Variants in PRMT9 observed in about 807,000 individuals in gnomAD.
PRMT9 encodes the protein protein arginine N-methyltransferase 9.
In PRMT9, 59 loss-of-function variants were observed where a neutral mutation model predicts 83.2. The observed-to-expected ratio is 0.71, with a 90% CI of 0.57 to 0.88. PRMT9 has a LOEUF of 0.88. PRMT9 is among the 40% of genes least tolerant of loss of function. The probability of loss-of-function intolerance (pLI) is 0.00; values close to 1 mark genes in which losing one functional copy is unlikely to be tolerated. For synonymous variants in PRMT9, 333 were observed against 353.2 expected, an observed-to-expected ratio of 0.94 and a Z score of 0.64; for missense variants, 947 against 1,021.9, an observed-to-expected ratio of 0.93 and a Z score of 1.00.
intron 6 of PRMT9, among the ~76,000 whole-genome samples, chr4:147,667,718 T>C (rs2126622323): frequency 6.6e-6 from 1 of 152,258 alleles, no homozygotes; most frequent in Non-Finnish European, 1.5e-5. Context: ...ACGATTAAGT[T>C]ATTGGAAGAA....
intron 2 of PRMT9, among the ~76,000 whole-genome samples, chr4:147,677,579 G>A (rs747784672): frequency 4.7e-5 from 7 of 147,888 alleles, no homozygotes; most frequent in East Asian, 2.0e-4. Context: ...TCAGCCTCCC[G>A]AGTAGCTGGG....
At chr4:147,674,280 GT>G (rs763258969) in intron 2 of PRMT9, among the ~76,000 whole-genome samples, 14 of 152,256 alleles carry the variant, frequency 9.2e-5, no homozygotes, top group Non-Finnish European at 1.6e-4. Flanking sequence ...TCAAGAGTCA[GT>G]TGTATTTGCT....
chr4:147,657,987 G>A lies in PRMT9; in HGVS notation c.1147-12C>T, dbSNP rs548986623. On this transcript the variant is annotated splice_polypyrimidine_tract_variant and intron_variant, in intron 7 of 11. Transcript: ENST00000322396. ...AGACTTTTTAATTCCTGAGAAAAAT[G>A]TAGAAGGAATGAAACGGTTTTATAT... 33 of 1,554,912 alleles carry A rather than the reference G, an allele frequency of 2.1e-5. No individual in the cohort carries two copies. The highest frequency in any genetic ancestry group is 1.2e-4 in the Admixed American group (7 of 58,342).
chr4:147,682,180 T>C (rs1439674702), intron 1 of PRMT9, among the ~76,000 whole-genome samples: 1 of 150,100 alleles, frequency 6.7e-6, no homozygotes, highest in African/African-American at 2.5e-5. Context: ...TAATTTTTTA[T>C]TTTTATTTTT....
chr4:147,644,539 TAA>T (rs35094215), intron 9 of PRMT9, among the ~76,000 whole-genome samples: 4 of 111,890 alleles, frequency 3.6e-5, no homozygotes, highest in Admixed American at 1.0e-4. Flanking sequence ...TGCTTATGGT[TAA>T]AAAAAAAAAA....
rs1440726224 is a variant in PRMT9, at chr4:147,681,797, A to C, written c.190-1326T>G. Among the ~76,000 whole-genome samples the C allele has an allele frequency of 3.5e-3, 387 of 110,148 alleles. 2 individuals carry two copies. Among genetic ancestry groups the C allele is most frequent in the African/African-American group, 8.7e-3 (275 of 31,764 alleles). The allele number at this position is 110,148 out of a possible 152,430, so 72.3% of individuals were successfully genotyped here. A position where few individuals can be genotyped will look rare whatever the true frequency, so the allele number is the denominator to read the frequency against. On this transcript the variant is annotated intron_variant, in intron 1 of 11. Coordinates refer to ENST00000322396, the MANE Select transcript of PRMT9 (RefSeq NM_138364.4). ...GTGAGACTCTATAAAAAAAAAAAAAACCCCGCACAGATTATATGAAATGGA... is the reference window on the plus strand; with the variant it reads ...GTGAGACTCTATAAAAAAAAAAAAACCCCCGCACAGATTATATGAAATGGA...
At chr4:147,647,819 T>G (rs1453402115) in intron 9 of PRMT9, among the ~76,000 whole-genome samples, 1 of 152,102 alleles carries the variant, frequency 6.6e-6, no homozygotes, top group Admixed American at 6.6e-5. Context: ...CCACCTAAAC[T>G]TTCCCTACTG....
At chr4:147,674,852 T>C (rs1205251596) in intron 2 of PRMT9, among the ~76,000 whole-genome samples, 1 of 152,232 alleles carries the variant, frequency 6.6e-6, no homozygotes, top group Non-Finnish European at 1.5e-5. Context: ...TTACCTGTCA[T>C]TAACCAGTAA....
Position 147,638,479 on chromosome 4 carries a change from A to ATT in PRMT9, c.*51_*52dup. 7.1e-7 allele frequency: 1 copy of ATT among 1,414,562 alleles called. No homozygotes were observed. Among genetic ancestry groups the ATT allele is most frequent in the Non-Finnish European group, 1.0e-6 (1 of 1,000,048 alleles). 87.6% of individuals were successfully genotyped at this position (1,414,562 alleles called of 1,614,324 possible). A position where few individuals can be genotyped will look rare whatever the true frequency, so the allele number is the denominator to read the frequency against. ...TATACCCCCACTAATTAAGACAAGA[A>ATT]TTTTGTACTTGTTGATGCTCTATTT... is the stretch of plus-strand genomic sequence containing the variant. On this transcript the variant is annotated 3_prime_UTR_variant, in exon 12 of 12. Transcript: ENST00000322396.
At chr4:147,652,928 A>G (rs1181922712) in intron 9 of PRMT9, among the ~76,000 whole-genome samples, 1 of 152,096 alleles carries the variant, frequency 6.6e-6, no homozygotes, top group African/African-American at 2.4e-5. Context: ...GGAACACTAT[A>G]ATGTACCATG....
intron 5 of PRMT9, 131 bp from the exon 6 acceptor site, chr4:147,668,776 T>A (rs560669197): frequency 1.5e-6 from 1 of 666,378 alleles, no homozygotes; most frequent in African/African-American, 1.8e-5. Flanking sequence ...AGTTAAAGGT[T>A]TTTTTTTCTT....
chr4:147,642,676 T>G (rs2126570161), intron 10 of PRMT9, 111 bp downstream of exon 10: 7 of 942,416 alleles, frequency 7.4e-6, no homozygotes, highest in African/African-American at 3.2e-5. Flanking sequence ...CTGTGATTAA[T>G]CCAGCTAAAC....
intron 2 of PRMT9, among the ~76,000 whole-genome samples, chr4:147,677,514 C>T (rs539521582): frequency 1.0e-4 from 14 of 140,570 alleles, no homozygotes; most frequent in Non-Finnish European, 1.8e-4. Flanking sequence ...AGTGCAGTCG[C>T]GCAATTTTGG....
At chr4:147,682,166 C>A (rs1736515390) in intron 1 of PRMT9, among the ~76,000 whole-genome samples, 1 of 152,008 alleles carries the variant, frequency 6.6e-6, no homozygotes, top group African/African-American at 2.4e-5. Context: ...CCACCACGCC[C>A]AGCTAATTTT....
Position 147,654,172 on chromosome 4 carries a change from T to C in PRMT9, c.1725A>G (p.Val575=), listed in dbSNP as rs768749114. 1 of 1,614,212 alleles carries C rather than the reference T, an allele frequency of 6.2e-7. No homozygotes were observed. Among genetic ancestry groups the C allele is most frequent in the Admixed American group, 1.7e-5 (1 of 60,026 alleles). The change falls in exon 9 of 12, where the codon GTA becomes GTG. Residue 575 remains valine (V), a synonymous_variant. Transcript: ENST00000322396. ...CGTAGAAAGGTTCAAGGATGTTCTGTACAGTATTACTCTGTCCAGTTCCAG... is the reference window on the plus strand; with the variant it reads ...CGTAGAAAGGTTCAAGGATGTTCTGCACAGTATTACTCTGTCCAGTTCCAG... ...MSSGTGQSNT[V]QNILEPFYVL... is the part of the protein sequence containing the mutation.
chr4:147,655,421 C>G (rs1018860795), intron 8 of PRMT9, among the ~76,000 whole-genome samples: 3 of 152,132 alleles, frequency 2.0e-5, no homozygotes, highest in African/African-American at 7.2e-5. Flanking sequence ...CCTCAGCCTT[C>G]CAATGTGTTG....
At chr4:147,677,168 C>G (rs1480045412) in intron 2 of PRMT9, among the ~76,000 whole-genome samples, 2 of 150,868 alleles carry the variant, frequency 1.3e-5, no homozygotes, top group Non-Finnish European at 2.9e-5. Flanking sequence ...GTTTCCTAAA[C>G]AAGAATTCTC....
chr4:147,676,231 T>C (rs185678653), intron 2 of PRMT9, among the ~76,000 whole-genome samples: 2 of 152,344 alleles, frequency 1.3e-5, no homozygotes, highest in African/African-American at 4.8e-5. Context: ...CTGTCAAAAG[T>C]ATGTAGAGTT....
chr4:147,676,121 C>T (rs1159337233), intron 2 of PRMT9, among the ~76,000 whole-genome samples: 1 of 152,210 alleles, frequency 6.6e-6, no homozygotes, highest in Non-Finnish European at 1.5e-5. Context: ...TGCTTAGTTA[C>T]ATCTCCCCAA....
Sources: gnomAD v4.1 joint callset for allele counts (sites outside exome capture counted in the v4.1 genomes callset) on GRCh38, gnomAD v4.1.1 for gene constraint, MANE v1.5 for transcripts, NCBI Gene and HGNC (gene_info 2026-07-23, HGNC 2026-07-21) for gene names.